Variants in TVP23B observed in about 807,000 individuals in gnomAD.
TVP23B encodes the protein Golgi apparatus membrane protein TVP23 homolog B.
In TVP23B, 10 loss-of-function variants were observed where a neutral mutation model predicts 30.6. That is an observed-to-expected ratio of 0.33 (90% confidence interval 0.20 to 0.55). The LOEUF is 0.55. Ranked by LOEUF, TVP23B falls within the 20% of genes least tolerant of loss-of-function variation. TVP23B has a pLI of 0.91. For synonymous variants in TVP23B, 67 were observed against 83.1 expected, an observed-to-expected ratio of 0.81 and a Z score of 1.06; for missense variants, 153 against 243.2, an observed-to-expected ratio of 0.63 and a Z score of 2.47.
chr17:18,797,971 T>C (rs2036100831), intron 4 of TVP23B, among the ~76,000 whole-genome samples: 1 of 150,982 alleles, frequency 6.6e-6, no homozygotes, highest in African/African-American at 2.4e-5. Context: ...TGTTAGTGTC[T>C]CCATAAATCC....
At position 18,801,990 on chromosome 17, in the gene TVP23B, A is replaced by G. The variant is rs567525673; in HGVS notation, c.463-2148A>G. Among the ~76,000 whole-genome samples the G allele has an allele frequency of 1.5e-4, 23 of 152,250 alleles. No homozygotes were observed. In the South Asian group the frequency reaches 3.7e-3, roughly 25 times the overall value. On this transcript the variant is annotated intron_variant, in intron 5 of 6. Transcript: ENST00000307767. ...TAATCCCAGCACTTTGGGAGGGCCA[A>G]GGCGGGCGGATCACGAGGTCAGGAG...
chr17:18,790,717 C>G (rs2035979423), intron 2 of TVP23B, among the ~76,000 whole-genome samples, 179 bp from the exon 3 acceptor site: 1 of 152,108 alleles, frequency 6.6e-6, no homozygotes. Flanking sequence ...AGGGCCTAGT[C>G]AAATAGTGGG....
chr17:18,792,985 A>G (rs1468223380), intron 3 of TVP23B, among the ~76,000 whole-genome samples: 1 of 152,214 alleles, frequency 6.6e-6, no homozygotes, highest in African/African-American at 2.4e-5. Flanking sequence ...ACAGTGGAAG[A>G]AAGAATTATC....
intron 5 of TVP23B, among the ~76,000 whole-genome samples, chr17:18,803,216 T>C (rs1250971236): frequency 6.6e-6 from 1 of 152,066 alleles, no homozygotes; most frequent in Non-Finnish European, 1.5e-5. Context: ...TGGCAAACTA[T>C]GGCCTGCAGA....
chr17:18,790,412 C>T (rs536898649), intron 2 of TVP23B, among the ~76,000 whole-genome samples: 1 of 145,938 alleles, frequency 6.9e-6, no homozygotes, highest in Non-Finnish European at 1.5e-5. Flanking sequence ...TGCAGTGAGC[C>T]GAGATTGTGC....
chr17:18,804,353 A>AGTTT lies in TVP23B; in HGVS notation c.591+88_591+91dup, dbSNP rs2036216695. 2.1e-6 allele frequency: 3 copies of AGTTT among 1,446,776 alleles called. No homozygotes were observed. In the Admixed American group the frequency reaches 6.9e-5, roughly 33 times the overall value. 89.6% of individuals were successfully genotyped at this position (1,446,776 alleles called of 1,614,324 possible). ...TTTTTATGAAACGCTCCTGAACAGA[A>AGTTT]GTTTTAAAGGCATATAGTTGTATAA... On this transcript the variant is annotated intron_variant, in intron 6 of 6. Transcript: ENST00000307767.
chr17:18,804,426 A>G (rs2036217717), intron 6 of TVP23B, 160 bp downstream of exon 6: 5 of 1,314,730 alleles, frequency 3.8e-6, no homozygotes, highest in Non-Finnish European at 5.0e-6. Context: ...TGTTCAAGAC[A>G]GTCTGGAAGT....
intron 4 of TVP23B, among the ~76,000 whole-genome samples, chr17:18,798,039 C>G (rs1183948972): frequency 1.3e-5 from 2 of 151,766 alleles, no homozygotes; most frequent in Non-Finnish European, 2.9e-5. Flanking sequence ...CTCCTGTGGT[C>G]GTCTTTCATT....
chr17:18,781,400 C>G, intron 1 of TVP23B, 95 bp downstream of exon 1: 4 of 1,528,612 alleles, frequency 2.6e-6, no homozygotes, highest in Non-Finnish European at 3.5e-6. Context: ...GCGCCCGCTA[C>G]TCGAACTCGA....
intron 5 of TVP23B, among the ~76,000 whole-genome samples, chr17:18,802,018 C>G (rs9891002): frequency 0.22 from 32,921 of 151,708 alleles, 4,285 homozygotes; most frequent in East Asian, 0.56. Context: ...GTCAGGAGAT[C>G]GAGACCATCC....
chr17:18,796,878 A>G (rs548361335), intron 3 of TVP23B: 1 of 152,482 alleles, frequency 6.6e-6, no homozygotes, highest in African/African-American at 2.4e-5. Flanking sequence ...GACTCCTCAG[A>G]GAGTCATTTT....
intron 3 of TVP23B, chr17:18,797,305 G>A (rs1361787380): frequency 2.0e-5 from 7 of 357,396 alleles, no homozygotes; most frequent in Non-Finnish European, 3.7e-5. Context: ...GGGAACTGGA[G>A]AAAGGGCAAA....
At chr17:18,796,095 T>C (rs556940560) in intron 3 of TVP23B, 33 of 150,794 alleles carry the variant, frequency 2.2e-4, no homozygotes, top group African/African-American at 7.1e-4. Flanking sequence ...GTAAACAATA[T>C]GTTAAGATAA....
At chr17:18,790,809 C>T (rs1239759407) in intron 2 of TVP23B, 87 bp from the exon 3 acceptor site, 1 of 1,499,464 alleles carries the variant, frequency 6.7e-7, no homozygotes, top group Non-Finnish European at 9.1e-7. Flanking sequence ...TTCACAGTTA[C>T]ACGATGGCTA....
At chr17:18,791,556 A>G (rs1374392141) in intron 3 of TVP23B, among the ~76,000 whole-genome samples, 1 of 152,096 alleles carries the variant, frequency 6.6e-6, no homozygotes, top group African/African-American at 2.4e-5. Flanking sequence ...CAGTGTCCAA[A>G]AATGTTTTTG....
At chr17:18,796,757 T>A (rs1024268014) in intron 3 of TVP23B, 8 of 152,234 alleles carry the variant, frequency 5.3e-5, no homozygotes, top group African/African-American at 1.9e-4. Context: ...AACATTTTTT[T>A]TTAACCCATC....
Position 18,804,173 on chromosome 17 carries a change from C to T in TVP23B, c.498C>T (p.Ala166=), listed in dbSNP as rs2036212345. ...TCATGGGTGTGGTGCTACAAGGTGC[C>T]AACCTGTATGGTTACATCAGGTGTA... ...VVIMGVVLQG[A]NLYGYIRCKV... The change falls in exon 6 of 7, where the codon GCC becomes GCT. Residue 166 remains alanine, a synonymous_variant. Coordinates refer to ENST00000307767, the MANE Select transcript of TVP23B (RefSeq NM_016078.6). The T allele has an allele frequency of 6.2e-7, 1 of 1,613,502 alleles. No homozygotes were observed. Among genetic ancestry groups the T allele is most frequent in the Non-Finnish European group, 8.5e-7 (1 of 1,179,796 alleles).
intron 2 of TVP23B, among the ~76,000 whole-genome samples, chr17:18,790,230 C>T (rs1162083407): frequency 3.9e-5 from 6 of 152,010 alleles, no homozygotes; most frequent in Non-Finnish European, 8.8e-5. Flanking sequence ...TTTGGGAGGC[C>T]GAGGCAGGTG....
intron 3 of TVP23B, among the ~76,000 whole-genome samples, chr17:18,791,584 T>G (rs974235319): frequency 2.2e-4 from 34 of 151,760 alleles, no homozygotes; most frequent in Non-Finnish European, 3.8e-4. Context: ...TGACTGGAGG[T>G]GGGAGGAGTG....
Sources: allele counts gnomAD v4.1 joint callset (sites outside exome capture counted in the v4.1 genomes callset), GRCh38; gene constraint gnomAD v4.1.1; transcripts MANE v1.5; gene names NCBI Gene and HGNC (gene_info 2026-07-23, HGNC 2026-07-21).